The following LOXHD1 variants were observed in gnomAD, a reference collection of about 807,000 sequenced individuals.
The protein encoded by LOXHD1 is lipoxygenase homology domain-containing protein 1.
In LOXHD1, 205 loss-of-function variants were observed where a neutral mutation model predicts 248.2. That is an observed-to-expected ratio of 0.83 (90% CI 0.74 to 0.93). LOXHD1 has a LOEUF of 0.93. LOXHD1 is among the 40% of genes least tolerant of loss of function. The pLI, the probability that LOXHD1 is intolerant of heterozygous loss-of-function variation, is 0.00. For missense variants in LOXHD1, 2,930 were observed against 2,971.6 expected (o/e 0.99, Z 0.33); for synonymous variants, 1,113 against 1,162.8 (o/e 0.96, Z 0.87).
chr18:46,575,687 G>A (rs2037840101), intron 14 of LOXHD1, among the ~76,000 whole-genome samples: 1 of 152,106 alleles, frequency 6.6e-6, no homozygotes, highest in African/African-American at 2.4e-5. Flanking sequence ...GTGCAGCCTG[G>A]CTGACACCTT....
intron 37 of LOXHD1, among the ~76,000 whole-genome samples, chr18:46,503,291 C>T (rs370161791): frequency 1.3e-5 from 2 of 152,160 alleles, no homozygotes; most frequent in African/African-American, 4.8e-5. Flanking sequence ...TGTAGACAAG[C>T]TCTCCTGTTA....
rs767940967 is a variant in LOXHD1, at chr18:46,622,319, CTT to C, written c.512-4031_512-4030del. Among the ~76,000 whole-genome samples the C allele has an allele frequency of 2.0e-5, 3 of 152,182 alleles. No individual in the cohort carries two copies. In the East Asian group the frequency reaches 5.8e-4, roughly 29 times the overall value. ...GGTATGTGGCTATGCTACAGTAAGA[CTT>C]TATTTATGGACATTGCCATGTGAAT... is the stretch of plus-strand genomic sequence containing the variant. On this transcript the variant is annotated intron_variant, in intron 4 of 40. Coordinates refer to ENST00000642948, the MANE Select transcript of LOXHD1 (RefSeq NM_001384474.1).
chr18:46,584,160 T>G (rs2038016353), intron 12 of LOXHD1, among the ~76,000 whole-genome samples: 1 of 151,660 alleles, frequency 6.6e-6, no homozygotes, highest in Non-Finnish European at 1.5e-5. Flanking sequence ...GAGAGAGAGA[T>G]AAGTCGATGT....
At chr18:46,593,569 C>T (rs1395784797) in intron 10 of LOXHD1, 31 bp downstream of exon 10, 1 of 1,549,418 alleles carries the variant, frequency 6.5e-7, no homozygotes, top group African/African-American at 1.4e-5. Context: ...TTCCTCCTTT[C>T]TCCCTCCCAT....
chr18:46,501,361 T>C (rs560605147), intron 37 of LOXHD1, among the ~76,000 whole-genome samples: 1 of 152,346 alleles, frequency 6.6e-6, no homozygotes, highest in African/African-American at 2.4e-5. Context: ...TTTAGTGCCA[T>C]GTTTTCACAT....
Position 46,522,228 on chromosome 18 carries a change from C to T in LOXHD1, c.4958G>A (p.Gly1653Glu), listed in dbSNP as rs1470300808. Residue 1653 changes from glycine to glutamate, a missense_variant, in exon 32 of 41, where the codon GGG (glycine) becomes GAG (glutamate). Gly to Glu is a moderately conservative substitution (Grantham distance 98, BLOSUM62 -2). Coordinates refer to ENST00000642948, the MANE Select transcript of LOXHD1 (RefSeq NM_001384474.1). Reference sequence around the variant, plus strand: ...GCGCTTACTACGTTCATCATCCTCCCCGATGAGAAAGATGAAGGCTCGGCT... The same window carrying T: ...GCGCTTACTACGTTCATCATCCTCCTCGATGAGAAAGATGAAGGCTCGGCT... ...TDSRAFIFLI[G>E]EDDERSKRIW... 6.4e-7 allele frequency: 1 copy of T among 1,551,864 alleles called. No individual in the cohort carries two copies. Among genetic ancestry groups the T allele is most frequent in the Non-Finnish European group, 8.7e-7 (1 of 1,147,036 alleles).
intron 36 of LOXHD1, among the ~76,000 whole-genome samples, chr18:46,507,111 G>T (rs2034623248): frequency 6.6e-6 from 1 of 152,202 alleles, no homozygotes; most frequent in African/African-American, 2.4e-5. Context: ...GGTCAGACCT[G>T]CAAGGTTTGG....
rs527635467 is a variant in LOXHD1, at chr18:46,481,180, G to A, written c.6341+2407C>T. On this transcript the variant is annotated intron_variant, in intron 40 of 40. Transcript: ENST00000642948. ...ATGTTACACACAGTGTTAAGCAAGTGGTTTTATAATGCAGAATGTAGGTTC... is the reference window on the plus strand; with the variant it reads ...ATGTTACACACAGTGTTAAGCAAGTAGTTTTATAATGCAGAATGTAGGTTC... Among the ~76,000 whole-genome samples the A allele has an allele frequency of 1.1e-4, 16 of 152,286 alleles. No individual in the cohort carries two copies. In the East Asian group the frequency reaches 3.1e-3, roughly 29 times the overall value.
chr18:46,647,601 A>G (rs1353168492), intron 2 of LOXHD1, among the ~76,000 whole-genome samples: 2 of 152,208 alleles, frequency 1.3e-5, no homozygotes, highest in African/African-American at 2.4e-5. Context: ...TGCCCACATC[A>G]TCGGACGGAA....
At chr18:46,537,672 A>T (rs1376070314) in intron 26 of LOXHD1, among the ~76,000 whole-genome samples, 2 of 152,338 alleles carry the variant, frequency 1.3e-5, no homozygotes, top group East Asian at 3.9e-4. Context: ...TCAAGACCTG[A>T]TGGGAAGCCA....
intron 1 of LOXHD1, among the ~76,000 whole-genome samples, chr18:46,653,410 T>C (rs2039137808): frequency 6.6e-6 from 1 of 152,230 alleles, no homozygotes; most frequent in Admixed American, 6.5e-5. Context: ...TAAACGTACC[T>C]TCATAAGTTT....
chr18:46,624,415 G>A (rs575172328), intron 4 of LOXHD1, among the ~76,000 whole-genome samples: 1 of 152,234 alleles, frequency 6.6e-6, no homozygotes, highest in South Asian at 2.1e-4. Context: ...GTGGGGAGGG[G>A]TTGGTCCGCA....
At chr18:46,628,065 G>T (rs1163404474) in intron 4 of LOXHD1, among the ~76,000 whole-genome samples, 1 of 152,202 alleles carries the variant, frequency 6.6e-6, no homozygotes, top group African/African-American at 2.4e-5. Context: ...TGATGGAGGA[G>T]CATGAGCTGG....
chr18:46,492,396 C>G (rs1269385326), intron 37 of LOXHD1, among the ~76,000 whole-genome samples: 1 of 152,188 alleles, frequency 6.6e-6, no homozygotes, highest in Non-Finnish European at 1.5e-5. Context: ...ACAATTATGG[C>G]AGAAGGCAAC....
At chr18:46,634,420 G>A (rs965537706) in intron 4 of LOXHD1, among the ~76,000 whole-genome samples, 1 of 152,166 alleles carries the variant, frequency 6.6e-6, no homozygotes, top group Non-Finnish European at 1.5e-5. Context: ...AAAACTTTTT[G>A]AATACTGACA....
At chr18:46,602,722 T>G (rs2144289612) in intron 7 of LOXHD1, among the ~76,000 whole-genome samples, 1 of 152,192 alleles carries the variant, frequency 6.6e-6, no homozygotes, top group Non-Finnish European at 1.5e-5. Context: ...ATTTATTGAG[T>G]GCTTACTAGA....
chr18:46,561,838 C>T (rs978955973), intron 18 of LOXHD1, among the ~76,000 whole-genome samples: 1 of 152,196 alleles, frequency 6.6e-6, no homozygotes, highest in African/African-American at 2.4e-5. Flanking sequence ...GGCATTAGCT[C>T]TCCTCTTCAG....
At chr18:46,605,444 G>A (rs893480034) in intron 6 of LOXHD1, among the ~76,000 whole-genome samples, 25 of 152,156 alleles carry the variant, frequency 1.6e-4, no homozygotes, top group Admixed American at 1.3e-4. Context: ...AACCCAGGAG[G>A]TAGAGCTTGC....
intron 23 of LOXHD1, among the ~76,000 whole-genome samples, chr18:46,545,112 C>T (rs2036740633): frequency 6.6e-6 from 1 of 152,028 alleles, no homozygotes; most frequent in Non-Finnish European, 1.5e-5. Context: ...GCTACCTTCA[C>T]CATTAGAACA....
Sources: allele counts gnomAD v4.1 joint callset (sites outside exome capture counted in the v4.1 genomes callset), GRCh38; gene constraint gnomAD v4.1.1; transcripts MANE v1.5; gene names NCBI Gene and HGNC (gene_info 2026-07-23, HGNC 2026-07-21).